CD9: variants seen among roughly 807,000 people sequenced by gnomAD.
CD9 encodes the protein CD9 molecule, also known as CD9 antigen.
Under a neutral mutation model 31.4 loss-of-function variants are expected in CD9, and 10 were observed. The observed-to-expected ratio is 0.32, with a 90% CI of 0.20 to 0.54. The LOEUF is 0.54. CD9 is among the 20% of genes least tolerant of loss of function. CD9 has a pLI of 0.94. For synonymous variants in CD9, 113 were observed against 114.1 expected, an observed-to-expected ratio of 0.99 and a Z score of 0.06; for missense variants, 259 against 300.1, an observed-to-expected ratio of 0.86 and a Z score of 1.01.
intron 6 of CD9, chr12:6,235,889 A>ATT: frequency 7.3e-7 from 1 of 1,367,394 alleles, no homozygotes. Flanking sequence ...AGCCAGAGTT[A>ATT]ATGTCCAACT....
At position 6,200,407 on chromosome 12, in the gene CD9, T is replaced by A. The variant is rs1225564621; in HGVS notation, c.-93T>A. 6.2e-6 allele frequency: 5 copies of A among 806,516 alleles called. No individual in the cohort carries two copies. The highest frequency in any genetic ancestry group is 8.8e-6 in the Non-Finnish European group (4 of 456,292). 50.0% of individuals were successfully genotyped at this position (806,516 alleles called of 1,614,324 possible). A position where few individuals can be genotyped will look rare whatever the true frequency, so the allele number is the denominator to read the frequency against. ...AGCCGGAGACCAGCCTACAGCCGCC[T>A]GCATCTGTATCCAGCGCCAGGTCCC... On this transcript the variant is annotated 5_prime_UTR_variant, in exon 1 of 8. Transcript: ENST00000009180.
At chr12:6,221,702 G>A (rs1429580032) in intron 1 of CD9, among the ~76,000 whole-genome samples, 2 of 151,362 alleles carry the variant, frequency 1.3e-5, no homozygotes, top group South Asian at 2.1e-4. Flanking sequence ...GAAGCTGGGC[G>A]CAGTGGCTCA....
chr12:6,204,660 C>T (rs546772601), intron 1 of CD9, among the ~76,000 whole-genome samples: 5 of 152,334 alleles, frequency 3.3e-5, no homozygotes, highest in Admixed American at 6.5e-5. Flanking sequence ...GGTGACCACC[C>T]CACATGGTGC....
intron 1 of CD9, among the ~76,000 whole-genome samples, chr12:6,206,271 AGT>A (rs1946131191): frequency 6.6e-6 from 1 of 151,084 alleles, no homozygotes; most frequent in African/African-American, 2.4e-5. Flanking sequence ...GCTGGAGTGC[AGT>A]GTTAACAATC....
chr12:6,226,759 A>G lies in CD9; in HGVS notation c.175+1225A>G, dbSNP rs1157602233. On this transcript the variant is annotated intron_variant, in intron 2 of 7. Transcript: ENST00000009180. ...TGTTTAGAAAAAAAACTACACATAC[A>G]CACAGAGTTTTTGGGGAACAGGTTT... is the stretch of plus-strand genomic sequence containing the variant. Among the ~76,000 whole-genome samples the G allele has an allele frequency of 2.6e-5, 4 of 152,236 alleles. No homozygotes were observed. The East Asian group carries it at 7.7e-4, about 29-fold the overall frequency.
At chr12:6,207,719 G>A (rs1306612378) in intron 1 of CD9, among the ~76,000 whole-genome samples, 2 of 152,358 alleles carry the variant, frequency 1.3e-5, no homozygotes, top group African/African-American at 4.8e-5. Context: ...AAGCAGCCTG[G>A]TTGAGTAACT....
At chr12:6,203,533 G>A (rs1946097604) in intron 1 of CD9, among the ~76,000 whole-genome samples, 1 of 152,128 alleles carries the variant, frequency 6.6e-6, no homozygotes, top group African/African-American at 2.4e-5. Context: ...TGGTTATTGG[G>A]GGGCTGTGCC....
At chr12:6,206,807 G>A (rs1946137340) in intron 1 of CD9, among the ~76,000 whole-genome samples, 1 of 151,958 alleles carries the variant, frequency 6.6e-6, no homozygotes, top group Non-Finnish European at 1.5e-5. Flanking sequence ...ACATCTTAAC[G>A]TTTTTAGGGA....
intron 1 of CD9, among the ~76,000 whole-genome samples, chr12:6,221,672 C>A (rs553090248): frequency 1.3e-5 from 2 of 151,854 alleles, no homozygotes; most frequent in South Asian, 4.1e-4. Flanking sequence ...CATTTAGTTT[C>A]TCCTATTATT....
At chr12:6,208,923 A>G (rs1267940699) in intron 1 of CD9, among the ~76,000 whole-genome samples, 3 of 152,100 alleles carry the variant, frequency 2.0e-5, no homozygotes, top group East Asian at 3.9e-4. Flanking sequence ...AAAACTCTAA[A>G]TGAAATGATC....
In CD9 at chr12:6,201,320, G is replaced by A. The variant is rs188663728; in HGVS notation, c.66+755G>A. On this transcript the variant is annotated intron_variant, in intron 1 of 7. Coordinates refer to ENST00000009180, the MANE Select transcript of CD9 (RefSeq NM_001769.4). Reference sequence around the variant, plus strand: ...TGGAGAGAACTCAGAGTTCGGGAGAGGAGGGGGCAGATACCTATCTGCGCC... The same window carrying A: ...TGGAGAGAACTCAGAGTTCGGGAGAAGAGGGGGCAGATACCTATCTGCGCC... Among the ~76,000 whole-genome samples the A allele has an allele frequency of 2.2e-4, 33 of 152,356 alleles. No individual in the cohort carries two copies. In the East Asian group the frequency reaches 3.9e-3, roughly 18 times the overall value.
chr12:6,235,349 A>G, intron 5 of CD9, 22 bp downstream of exon 5: 1 of 1,614,104 alleles, frequency 6.2e-7, no homozygotes. Context: ...TGGCAAAGAC[A>G]CCCTCCTGCG....
At chr12:6,210,844 T>C (rs911441773) in intron 1 of CD9, among the ~76,000 whole-genome samples, 3 of 150,858 alleles carry the variant, frequency 2.0e-5, no homozygotes, top group Non-Finnish European at 3.0e-5. Flanking sequence ...ACTTTTTTTT[T>C]TTTTTTTTTT....
At chr12:6,212,727 G>A (rs1457559650) in intron 1 of CD9, among the ~76,000 whole-genome samples, 1 of 152,224 alleles carries the variant, frequency 6.6e-6, no homozygotes, top group Non-Finnish European at 1.5e-5. Flanking sequence ...TGAATTGTAT[G>A]GGTTGTGGGG....
chr12:6,222,071 T>A (rs1480641242), intron 1 of CD9, among the ~76,000 whole-genome samples: 1 of 152,164 alleles, frequency 6.6e-6, no homozygotes, highest in Non-Finnish European at 1.5e-5. Flanking sequence ...AAGTGAGTTC[T>A]CCTAGAAAAT....
intron 1 of CD9, among the ~76,000 whole-genome samples, chr12:6,203,945 T>A (rs553222118): frequency 6.6e-5 from 10 of 152,232 alleles, no homozygotes; most frequent in Middle Eastern, 3.4e-3. Flanking sequence ...TTACTGTCTC[T>A]CATGCCTCGC....
Position 6,232,984 on chromosome 12 carries a change from C to CT in CD9, c.273+262dup, listed in dbSNP as rs113515684. The CT allele has an allele frequency of 8.5e-6, 6 of 702,380 alleles. No homozygotes were observed. The highest frequency in any genetic ancestry group is 3.5e-5 in the African/African-American group (2 of 57,356). The allele number at this position is 702,380 out of a possible 1,614,324, so 43.5% of individuals were successfully genotyped here. On this transcript the variant is annotated intron_variant, in intron 3 of 7. Coordinates refer to ENST00000009180, the MANE Select transcript of CD9 (RefSeq NM_001769.4). The surrounding 1 kb of genome is among the most constrained non-coding windows in gnomAD (Gnocchi z 4.8). Reference sequence around the variant, plus strand: ...CCCCTTTTCTCGAGGACCACGTTTGCTTTTTTTCCCTGAATCCACAGGTAC... The same window carrying CT: ...CCCCTTTTCTCGAGGACCACGTTTGCTTTTTTTTCCCTGAATCCACAGGTAC...
At chr12:6,209,023 C>T (rs1387691067) in intron 1 of CD9, among the ~76,000 whole-genome samples, 1 of 151,738 alleles carries the variant, frequency 6.6e-6, no homozygotes, top group Non-Finnish European at 1.5e-5. Flanking sequence ...GGCTGGAGTG[C>T]AGTGGCGCAA....
rs1337436136 is a variant in CD9, at chr12:6,201,599, A to G, written c.66+1034A>G. ...GAGGCGACAGAAGCAAGGAATAGGA[A>G]ACCCTTGTGTCCTTGTTTCTATAGC... On this transcript the variant is annotated intron_variant, in intron 1 of 7. Transcript: ENST00000009180. Among the ~76,000 whole-genome samples the G allele has an allele frequency of 1.3e-5, 2 of 152,254 alleles. 1 individual carries two copies. The highest frequency in any genetic ancestry group is 4.1e-4 in the South Asian group (2 of 4,830).
Sources: gnomAD v4.1 joint callset for allele counts (sites outside exome capture counted in the v4.1 genomes callset) on GRCh38, gnomAD v4.1.1 for gene constraint, Gnocchi (gnomAD v3.1) non-coding constraint, MANE v1.5 for transcripts, NCBI Gene and HGNC (gene_info 2026-07-23, HGNC 2026-07-21) for gene names.